Variants in RRM1 observed in about 807,000 individuals in gnomAD.
RRM1 encodes ribonucleotide reductase catalytic subunit M1, also known as ribonucleoside-diphosphate reductase large subunit.
Under a neutral mutation model 101.5 loss-of-function variants are expected in RRM1, and 19 were observed. The observed-to-expected ratio is 0.19, with a 90% confidence interval of 0.13 to 0.27. The LOEUF (loss-of-function observed/expected upper bound fraction) is 0.27. RRM1 is among the 10% of genes least tolerant of loss of function. The pLI, the probability that RRM1 is intolerant of heterozygous loss-of-function variation, is 1.00. For synonymous variants in RRM1, 298 were observed against 323.4 expected (o/e 0.92, Z 0.84); for missense variants, 500 against 962.9 (o/e 0.52, Z 6.36).
At chr11:4,117,928 A>AT (rs2094575982) in intron 7 of RRM1, among the ~76,000 whole-genome samples, 1 of 152,154 alleles carries the variant, frequency 6.6e-6, no homozygotes. Context: ...TGGAGAGATT[A>AT]TTTTCATAAA....
At chr11:4,111,287 T>TGTAG (rs2094565155) in intron 5 of RRM1, among the ~76,000 whole-genome samples, 1 of 151,768 alleles carries the variant, frequency 6.6e-6, no homozygotes, top group South Asian at 2.1e-4. Flanking sequence ...GGTGGGCGCC[T>TGTAG]GTAGTCCCAG....
In RRM1 at chr11:4,126,082, G is replaced by A. The variant is rs1459475939; in HGVS notation, c.1321-602G>A. 1.1e-4 allele frequency among the ~76,000 whole-genome samples: 17 copies of A among 152,242 alleles called. 1 individual carries two copies. Among genetic ancestry groups the A allele is most frequent in the Admixed American group, 1.1e-3 (17 of 15,278 alleles). On this transcript the variant is annotated intron_variant, in intron 12 of 18. Coordinates refer to ENST00000300738, the MANE Select transcript of RRM1 (RefSeq NM_001033.5). ...AATAAGATGATCCTTGTGTGAAGAA[G>A]CTCACTGCCTCGTGTAGTGGAGAAA...
At chr11:4,108,915 G>A (rs1276472636) in intron 4 of RRM1, among the ~76,000 whole-genome samples, 6 of 152,102 alleles carry the variant, frequency 3.9e-5, no homozygotes, top group African/African-American at 1.4e-4. Flanking sequence ...CTTAGATATG[G>A]ATCATTATGT....
At chr11:4,120,388 T>A (rs1001216893) in intron 9 of RRM1, among the ~76,000 whole-genome samples, 7 of 152,198 alleles carry the variant, frequency 4.6e-5, no homozygotes, top group Admixed American at 4.6e-4. Context: ...TTTTTTTTTT[T>A]ATCTCTCTCT....
intron 10 of RRM1, 139 bp downstream of exon 10, chr11:4,121,904 C>T (rs943158334): frequency 1.7e-5 from 14 of 803,038 alleles, no homozygotes; most frequent in South Asian, 1.7e-4. Flanking sequence ...TAAGAGATGC[C>T]GTGCTTGTCT....
At chr11:4,133,833 C>T (rs764551266) in intron 17 of RRM1, among the ~76,000 whole-genome samples, 175 bp downstream of exon 17, 1 of 152,040 alleles carries the variant, frequency 6.6e-6, no homozygotes, top group Non-Finnish European at 1.5e-5. Flanking sequence ...TTTACATAAC[C>T]CTTACCATCT....
At chr11:4,098,743 AT>A (rs1352338605) in intron 1 of RRM1, among the ~76,000 whole-genome samples, 1 of 152,196 alleles carries the variant, frequency 6.6e-6, no homozygotes, top group Admixed American at 6.5e-5. Context: ...TACATTTCTC[AT>A]TGAGTTGACT....
At chr11:4,126,607 G>T in intron 12 of RRM1, 77 bp from the exon 13 acceptor site, 3 of 1,341,588 alleles carry the variant, frequency 2.2e-6, no homozygotes, top group Non-Finnish European at 3.1e-6. Context: ...AGTATTAGAG[G>T]CTCACATGGT....
chr11:4,134,721 A>C (rs2094606087), intron 17 of RRM1, among the ~76,000 whole-genome samples: 1 of 152,204 alleles, frequency 6.6e-6, no homozygotes, highest in Non-Finnish European at 1.5e-5. Context: ...GTTTTCTGCA[A>C]AACTCAAGGG....
At position 4,106,147 on chromosome 11, in the gene RRM1, G is replaced by A. The variant is rs373531381; in HGVS notation, c.210G>A (p.Lys70=). Residue 70 remains lysine, a synonymous_variant, in exon 3 of 19, where the codon AAG becomes AAA. Transcript: ENST00000300738. ...AAACAGCTGCAACCTTGACTACTAA[G>A]CACCCTGACTATGCTATCCTGGCAG... ...AAETAATLTT[K]HPDYAILAAR... 1 of 1,613,956 alleles carries A rather than the reference G, an allele frequency of 6.2e-7. No homozygotes were observed. The highest frequency in any genetic ancestry group is 1.3e-5 in the African/African-American group (1 of 74,906).
In RRM1 at chr11:4,110,961, G is replaced by A. The variant is rs184885006; in HGVS notation, c.448-640G>A. ...GATCCGTGCCTAGTCTGTTACAGGCGCTTTTTAAGTGTTAGCTGTTGTGAA... is the reference window on the plus strand; with the variant it reads ...GATCCGTGCCTAGTCTGTTACAGGCACTTTTTAAGTGTTAGCTGTTGTGAA... On this transcript the variant is annotated intron_variant, in intron 5 of 18. Transcript: ENST00000300738. Among the ~76,000 whole-genome samples the A allele has an allele frequency of 9.6e-4, 146 of 152,028 alleles. 1 individual carries two copies. The highest frequency in any genetic ancestry group is 3.3e-3 in the African/African-American group (136 of 41,480).
rs533639369 is a variant in RRM1, at chr11:4,094,917, C to T, written c.-96C>T. 6.5e-5 allele frequency: 88 copies of T among 1,345,730 alleles called. 1 individual carries two copies. In the South Asian group the frequency reaches 1.1e-3, roughly 16 times the overall value. 83.4% of individuals were successfully genotyped at this position (1,345,730 alleles called of 1,614,324 possible). A position where few individuals can be genotyped will look rare whatever the true frequency, so the allele number is the denominator to read the frequency against. ...TCTTTCCCCTGAGCAGCGCCTGGAACCTAACCCTTCCCACTCTGTCACCTT... is the reference window on the plus strand; with the variant it reads ...TCTTTCCCCTGAGCAGCGCCTGGAATCTAACCCTTCCCACTCTGTCACCTT... On this transcript the variant is annotated 5_prime_UTR_variant, in exon 1 of 19. Coordinates refer to ENST00000300738, the MANE Select transcript of RRM1 (RefSeq NM_001033.5).
Position 4,126,708 on chromosome 11 carries a change from C to T in RRM1, c.1345C>T (p.Leu449=). The T allele has an allele frequency of 6.2e-7, 1 of 1,610,470 alleles. No homozygotes were observed. Among genetic ancestry groups the T allele is most frequent in the Non-Finnish European group, 8.5e-7 (1 of 1,178,634 alleles). The change falls in exon 13 of 19, where the codon CTG becomes TTG. Residue 449 remains leucine (L), a synonymous_variant. Transcript: ENST00000300738. ...GGTTGCTGTTTGTAATTTGGCTTCC[C>T]TGGCCCTGAATATGTATGTCACATC... ...DEVAVCNLAS[L]ALNMYVTSEH... is the part of the protein sequence containing the mutation.
chr11:4,106,747 CATAAATAAATAA>C (rs528821128), intron 3 of RRM1, among the ~76,000 whole-genome samples: 28 of 151,736 alleles, frequency 1.8e-4, no homozygotes, highest in African/African-American at 5.8e-4. Context: ...GACTCCGTCT[CATAAATAAATAA>C]ATAAATAAAT....
intron 2 of RRM1, among the ~76,000 whole-genome samples, chr11:4,102,821 C>A (rs1590712245): frequency 6.6e-6 from 1 of 151,978 alleles, no homozygotes; most frequent in African/African-American, 2.4e-5. Flanking sequence ...ATTCATAAAC[C>A]AGTTGCTCTG....
At chr11:4,134,080 T>G (rs1486538763) in intron 17 of RRM1, among the ~76,000 whole-genome samples, 2 of 146,366 alleles carry the variant, frequency 1.4e-5, no homozygotes, top group African/African-American at 5.1e-5. Context: ...CCTCCTAGGT[T>G]CAAGCGATTC....
chr11:4,130,548 T>G (rs988869571), intron 15 of RRM1, among the ~76,000 whole-genome samples: 1 of 152,036 alleles, frequency 6.6e-6, no homozygotes, highest in African/African-American at 2.4e-5. Flanking sequence ...ATACAAAAAT[T>G]AGCTGGGCGT....
rs369408113 is a variant in RRM1 at position 4,101,998 on chromosome 11, C to T, written c.25C>T (p.Arg9Cys). 1.3e-6 allele frequency: 2 copies of T among 1,573,138 alleles called. No homozygotes were observed. Among genetic ancestry groups the T allele is most frequent in the South Asian group, 1.1e-5 (1 of 88,652 alleles). MHVIKRDG[R>C]QERVMFDKIT... is the part of the protein sequence containing the mutation. ...AACATGATTTGATTCTTTAGATGGCCGCCAAGAACGAGTCATGTTTGACAA... is the reference window on the plus strand; with the variant it reads ...AACATGATTTGATTCTTTAGATGGCTGCCAAGAACGAGTCATGTTTGACAA... The change falls in exon 2 of 19, where the codon CGC becomes TGC. Residue 9 changes from arginine (R) to cysteine (C), a missense_variant. Arg to Cys is a radical substitution (Grantham distance 180). Coordinates refer to ENST00000300738, the MANE Select transcript of RRM1 (RefSeq NM_001033.5).
chr11:4,111,075 A>G (rs866355812), intron 5 of RRM1, among the ~76,000 whole-genome samples: 1 of 152,090 alleles, frequency 6.6e-6, no homozygotes. Context: ...CTGCCGAAAC[A>G]AAAGTGCCAG....
Sources: gnomAD v4.1 joint callset for allele counts (sites outside exome capture counted in the v4.1 genomes callset) on GRCh38, gnomAD v4.1.1 for gene constraint, MANE v1.5 for transcripts, NCBI Gene and HGNC (gene_info 2026-07-23, HGNC 2026-07-21) for gene names.